Variants in TPM3 observed in about 807,000 individuals in gnomAD.
TPM3 encodes tropomyosin alpha-3 chain.
TPM3 carries 16 observed loss-of-function variants against 43.1 expected under a neutral mutation model. The ratio of observed to expected loss-of-function variants is 0.37; its 90% CI spans 0.25 to 0.56. The LOEUF (loss-of-function observed/expected upper bound fraction) is 0.56. Among genes scored for constraint, TPM3 ranks in the 20% least tolerant of loss-of-function variants. The pLI, the probability that TPM3 is intolerant of heterozygous loss-of-function variation, is 0.77. For synonymous variants in TPM3, 101 were observed against 116.9 expected (o/e 0.86, Z 0.88); for missense variants, 176 against 337.2 (o/e 0.52, Z 3.74).
chr1:154,183,110 T>A (rs748453850), intron 2 of TPM3: 6 of 1,598,614 alleles, frequency 3.8e-6, no homozygotes, highest in South Asian at 2.2e-5. Context: ...ATGGTGGTGA[T>A]CCCAGCCATG....
chr1:154,180,559 T>TAGAC (rs1265352710), intron 2 of TPM3, among the ~76,000 whole-genome samples: 1 of 152,126 alleles, frequency 6.6e-6, no homozygotes, highest in African/African-American at 2.4e-5. Context: ...ACTTCCTCAC[T>TAGAC]AGACCTCAGC....
chr1:154,178,276 A>T, intron 2 of TPM3: 1 of 725,646 alleles, frequency 1.4e-6, no homozygotes, highest in Non-Finnish European at 1.7e-6. Flanking sequence ...AGTTTCTCCC[A>T]CAAATCAGCA....
chr1:154,185,170 G>C (rs924849320), intron 2 of TPM3, among the ~76,000 whole-genome samples: 2 of 151,806 alleles, frequency 1.3e-5, no homozygotes, highest in African/African-American at 4.9e-5. Context: ...TCAGGAGTTT[G>C]AGACCAGCCT....
At chr1:154,178,162 G>GT (rs1662554793) in intron 2 of TPM3, 1 of 985,358 alleles carries the variant, frequency 1.0e-6, no homozygotes, top group Non-Finnish European at 1.2e-6. Context: ...CTCATGAAAT[G>GT]TAAGACATCA....
downstream of TPM3, among the ~76,000 whole-genome samples, chr1:154,158,206 A>G (rs545241096): frequency 6.6e-6 from 1 of 152,360 alleles, no homozygotes; most frequent in African/African-American, 2.4e-5. Flanking sequence ...CTGATGGGAT[A>G]AATAAAAGGG....
Position 154,163,039 on chromosome 1 carries a change from G to C in TPM3, c.*4898C>G, listed in dbSNP as rs111288073. On this transcript the variant is annotated 3_prime_UTR_variant, in exon 10 of 10. Transcript: ENST00000651641. ...TTGGCCAGGATGGTCTTGATCTCTT[G>C]ACCTTGTGATCCACCTGCCTCGGCT... Among the ~76,000 whole-genome samples the C allele has an allele frequency of 1.3e-5, 2 of 152,016 alleles. No homozygotes were observed. The highest frequency in any genetic ancestry group is 4.8e-5 in the African/African-American group (2 of 41,364).
At chr1:154,179,549 T>G (rs1342733587) in intron 2 of TPM3, among the ~76,000 whole-genome samples, 2 of 152,132 alleles carry the variant, frequency 1.3e-5, no homozygotes, top group Non-Finnish European at 2.9e-5. Flanking sequence ...TTTTTCTTTT[T>G]GAGGCAGAGG....
intron 2 of TPM3, among the ~76,000 whole-genome samples, chr1:154,180,857 G>A (rs1472136996): frequency 6.6e-6 from 1 of 152,072 alleles, no homozygotes; most frequent in African/African-American, 2.4e-5. Context: ...CCTGGGAGGT[G>A]GAGGTTGCAG....
rs1663675456 is a variant in TPM3 at position 154,191,370 on chromosome 1, ACCCTGGGCTCTTG to A, written c.118-72_118-60del. On this transcript the variant is annotated intron_variant, in intron 1 of 9. Transcript: ENST00000651641. ...CACAAACACAACAATGCAGGGTTGG[ACCCTGGGCTCTTG>A]GAGCCCTGAGTGTAACCTCCATGTT... 22 of 1,610,314 alleles carry A rather than the reference ACCCTGGGCTCTTG, an allele frequency of 1.4e-5. No individual in the cohort carries two copies. In the East Asian group the frequency reaches 4.7e-4, roughly 34 times the overall value.
At chr1:154,157,381 T>C, downstream of TPM3, 5 of 570,564 alleles carry the variant, frequency 8.8e-6, no homozygotes, top group South Asian at 9.9e-5. Flanking sequence ...ACATGCTTTT[T>C]AAAGACATTA....
At chr1:154,173,228 CT>C in intron 3 of TPM3, 27 bp from the exon 4 acceptor site, 1 of 1,592,160 alleles carries the variant, frequency 6.3e-7, no homozygotes, top group Non-Finnish European at 8.6e-7. Flanking sequence ...AAAAGCAATA[CT>C]GACACCCTGA....
At chr1:154,170,205 G>T (rs1661414273) in intron 8 of TPM3, 195 bp downstream of exon 8, 2 of 615,650 alleles carry the variant, frequency 3.2e-6, no homozygotes, top group Non-Finnish European at 5.8e-6. Context: ...CTTCTTAAAG[G>T]AAAAGATTAA....
intron 5 of TPM3, 197 bp from the exon 6 acceptor site, chr1:154,171,685 C>T: frequency 4.5e-6 from 3 of 663,224 alleles, no homozygotes; most frequent in Non-Finnish European, 7.9e-6. Flanking sequence ...GGAGCTAGAC[C>T]TTCCTGGGCT....
downstream of TPM3, chr1:154,157,590 G>A (rs746144565): frequency 7.8e-6 from 6 of 771,026 alleles, no homozygotes; most frequent in South Asian, 1.3e-5. Flanking sequence ...GGCCTCAGGC[G>A]GAGTCTGGGT....
At chr1:154,191,841 CTCCCT>C in intron 1 of TPM3, 56 bp downstream of exon 1, 1 of 1,595,428 alleles carries the variant, frequency 6.3e-7, no homozygotes, top group South Asian at 1.1e-5. Flanking sequence ...CCCATGAAAA[CTCCCT>C]TCCATTTCAC....
Position 154,167,839 on chromosome 1 carries a change from G to A in TPM3, c.*98C>T. Reference sequence around the variant, plus strand: ...CCCCATCCTAATGCCTTGGGGACCAGCCAGGCTGACCCAAATGGAATCCAG... The same window carrying A: ...CCCCATCCTAATGCCTTGGGGACCAACCAGGCTGACCCAAATGGAATCCAG... On this transcript the variant is annotated 3_prime_UTR_variant, in exon 10 of 10. Transcript: ENST00000651641. 6.2e-7 allele frequency: 1 copy of A among 1,612,292 alleles called. No homozygotes were observed. The highest frequency in any genetic ancestry group is 8.5e-7 in the Non-Finnish European group (1 of 1,178,910).
chr1:154,169,483 A>G (rs776837332), intron 8 of TPM3, 100 bp from the exon 9 acceptor site: 267 of 1,223,180 alleles, frequency 2.2e-4, no homozygotes, highest in Non-Finnish European at 3.1e-4. Context: ...GGAAAGTGTG[A>G]CTGTGGGTCT....
At chr1:154,156,180 G>A (rs970010397), downstream of TPM3, 8 of 174,734 alleles carry the variant, frequency 4.6e-5, no homozygotes, top group East Asian at 2.0e-4. Context: ...GCAGTGAGCC[G>A]AGATCGAGCC....
intron 2 of TPM3, among the ~76,000 whole-genome samples, chr1:154,188,674 CAAAAAAAAAAA>C (rs572467862): frequency 5.0e-5 from 3 of 59,532 alleles, no homozygotes; most frequent in South Asian, 6.0e-4. Flanking sequence ...GACTCCGTCT[CAAAAAAAAAAA>C]AAAAAAAAAG....
Sources: gnomAD v4.1 joint callset for allele counts (sites outside exome capture counted in the v4.1 genomes callset) on GRCh38, gnomAD v4.1.1 for gene constraint, MANE v1.5 for transcripts, NCBI Gene and HGNC (gene_info 2026-07-23, HGNC 2026-07-21) for gene names.